Variants in RALY observed in about 807,000 individuals in gnomAD.
RALY encodes RNA-binding protein Raly.
In RALY, 15 loss-of-function variants were observed where a neutral mutation model predicts 30.7. The ratio of observed to expected loss-of-function variants is 0.49; its 90% CI spans 0.33 to 0.75. The LOEUF (loss-of-function observed/expected upper bound fraction) is 0.75, where lower values mean the gene tolerates loss of function less well. RALY is among the 30% of genes least tolerant of loss of function. The pLI is 0.02. For missense variants in RALY, 339 were observed against 414.3 expected, an observed-to-expected ratio of 0.82 and a Z score of 1.58; for synonymous variants, 177 against 170.8, an observed-to-expected ratio of 1.04 and a Z score of -0.28.
At position 34,081,045 on chromosome 20, in the gene RALY, T is replaced by G. The variant is rs2034022359; in HGVS notation, c.*1140T>G. The G allele has an allele frequency of 6.6e-6, 1 of 152,242 alleles. No homozygotes were observed. The highest frequency in any genetic ancestry group is 6.5e-5 in the Admixed American group (1 of 15,284). The allele number at this position is 152,242 out of a possible 1,614,324, so 9.4% of individuals were successfully genotyped here. ...CGGGTTCCTTCAAACGTGTGCTGCTTATACATGCTCATTGTGTACTGCTAA... is the reference window on the plus strand; with the variant it reads ...CGGGTTCCTTCAAACGTGTGCTGCTGATACATGCTCATTGTGTACTGCTAA... On this transcript the variant is annotated 3_prime_UTR_variant, in exon 10 of 10. Coordinates refer to ENST00000246194, the MANE Select transcript of RALY (RefSeq NM_016732.3).
At chr20:34,014,149 G>A (rs868049141) in intron 1 of RALY, among the ~76,000 whole-genome samples, 4 of 152,216 alleles carry the variant, frequency 2.6e-5, no homozygotes, top group Non-Finnish European at 2.9e-5. Flanking sequence ...TGAGTAGCCC[G>A]TACTAGATCT....
At chr20:34,003,881 C>T (rs1480588307) in intron 1 of RALY, among the ~76,000 whole-genome samples, 5 of 152,036 alleles carry the variant, frequency 3.3e-5, no homozygotes, top group African/African-American at 7.3e-5. Context: ...CCTCGTGATC[C>T]GCCCGCCTCC....
At chr20:33,996,831 G>C (rs1057055601) in intron 1 of RALY, among the ~76,000 whole-genome samples, 1 of 151,974 alleles carries the variant, frequency 6.6e-6, no homozygotes, top group African/African-American at 2.4e-5. Flanking sequence ...TCTACTTTCT[G>C]TGAATTTGAC....
chr20:34,073,349 T>C (rs2033784500), intron 3 of RALY, among the ~76,000 whole-genome samples: 1 of 152,086 alleles, frequency 6.6e-6, no homozygotes, highest in South Asian at 2.1e-4. Flanking sequence ...TCTGAAAGTG[T>C]ATGGACATAT....
At chr20:34,008,213 A>G (rs1462268249) in intron 1 of RALY, among the ~76,000 whole-genome samples, 1 of 152,142 alleles carries the variant, frequency 6.6e-6, no homozygotes, top group African/African-American at 2.4e-5. Context: ...TTGAGTTACT[A>G]TTTCAAGGGC....
intron 1 of RALY, among the ~76,000 whole-genome samples, chr20:34,000,910 G>T (rs1380042364): frequency 6.6e-6 from 1 of 152,194 alleles, no homozygotes; most frequent in Non-Finnish European, 1.5e-5. Context: ...TGAAACAAGG[G>T]AATTGGACTA....
intron 2 of RALY, among the ~76,000 whole-genome samples, chr20:34,036,654 T>C (rs2032507589): frequency 6.6e-6 from 1 of 152,248 alleles, no homozygotes; most frequent in Non-Finnish European, 1.5e-5. Flanking sequence ...TGAAGCCACA[T>C]GGGCCTGGGC....
chr20:34,022,317 C>T (rs995262564), intron 1 of RALY, among the ~76,000 whole-genome samples: 33 of 151,876 alleles, frequency 2.2e-4, no homozygotes, highest in African/African-American at 7.5e-4. Flanking sequence ...AGACAGATAC[C>T]GTAGAAAATC....
At chr20:34,045,773 G>A (rs934451705) in intron 2 of RALY, among the ~76,000 whole-genome samples, 5 of 152,312 alleles carry the variant, frequency 3.3e-5, no homozygotes, top group Admixed American at 2.0e-4. Context: ...GGAAGGTCAT[G>A]GCTAGAGTGG....
intron 1 of RALY, among the ~76,000 whole-genome samples, chr20:34,014,227 C>T (rs562653061): frequency 2.6e-5 from 4 of 152,074 alleles, no homozygotes; most frequent in African/African-American, 7.2e-5. Context: ...CTTTTGAGAA[C>T]GGGGCTTGTT....
chr20:34,073,755 GC>G (rs1371080244), intron 4 of RALY, 63 bp from the exon 5 acceptor site: 1 of 1,571,924 alleles, frequency 6.4e-7, no homozygotes, highest in Non-Finnish European at 8.8e-7. Flanking sequence ...GGAGATGAGG[GC>G]CTGTGGAAAG....
At chr20:34,024,437 A>G (rs756849259) in intron 1 of RALY, among the ~76,000 whole-genome samples, 1 of 152,230 alleles carries the variant, frequency 6.6e-6, no homozygotes, top group Non-Finnish European at 1.5e-5. Context: ...TTCAGCTGAG[A>G]AAGGAGAAAT....
chr20:34,037,876 A>C (rs1267366693), intron 2 of RALY, among the ~76,000 whole-genome samples: 1 of 152,182 alleles, frequency 6.6e-6, no homozygotes, highest in Non-Finnish European at 1.5e-5. Flanking sequence ...ATTGTCTGCC[A>C]GTGTAATCAT....
At chr20:34,068,504 C>T (rs2033640429) in intron 2 of RALY, among the ~76,000 whole-genome samples, 1 of 152,168 alleles carries the variant, frequency 6.6e-6, no homozygotes, top group Non-Finnish European at 1.5e-5. Flanking sequence ...ATATGTTTAA[C>T]CACTCCCTCC....
At chr20:34,030,976 A>G (rs994088843) in intron 1 of RALY, among the ~76,000 whole-genome samples, 41 of 151,506 alleles carry the variant, frequency 2.7e-4, no homozygotes, top group African/African-American at 1.0e-3. Context: ...ACCTTTTGTC[A>G]TTCTTTATTT....
chr20:34,071,180 G>A (rs969966191), intron 2 of RALY, among the ~76,000 whole-genome samples: 6 of 152,124 alleles, frequency 3.9e-5, no homozygotes, highest in African/African-American at 1.2e-4. Flanking sequence ...AGATTTGGGC[G>A]GGGACACAAA....
At chr20:34,048,599 G>GT (rs970974580) in intron 2 of RALY, among the ~76,000 whole-genome samples, 11 of 152,200 alleles carry the variant, frequency 7.2e-5, no homozygotes, top group African/African-American at 2.7e-4. Context: ...GCTCACGCCT[G>GT]TAATCCCAGC....
intron 2 of RALY, among the ~76,000 whole-genome samples, chr20:34,061,249 C>T (rs2033407904): frequency 6.6e-6 from 1 of 152,068 alleles, no homozygotes; most frequent in African/African-American, 2.4e-5. Flanking sequence ...GAGCAGAGAC[C>T]AAGATAAAGC....
At chr20:34,001,686 G>C (rs1045991372) in intron 1 of RALY, among the ~76,000 whole-genome samples, 2 of 152,200 alleles carry the variant, frequency 1.3e-5, no homozygotes, top group Non-Finnish European at 2.9e-5. Flanking sequence ...AGATTTAAAA[G>C]GGTCATTTCC....
Sources: gnomAD v4.1 joint callset for allele counts (sites outside exome capture counted in the v4.1 genomes callset) on GRCh38, gnomAD v4.1.1 for gene constraint, MANE v1.5 for transcripts, NCBI Gene and HGNC (gene_info 2026-07-23, HGNC 2026-07-21) for gene names.